Variants in CPEB3 observed in about 807,000 individuals in gnomAD.
The protein encoded by CPEB3 is cytoplasmic polyadenylation element binding protein 3.
CPEB3 carries 20 observed loss-of-function variants against 67.2 expected under a neutral mutation model. That is an observed-to-expected ratio of 0.30 (90% confidence interval 0.21 to 0.43). The LOEUF (loss-of-function observed/expected upper bound fraction) is 0.43, where lower values mean the gene tolerates loss of function less well. Ranked by LOEUF, CPEB3 falls within the 20% of genes least tolerant of loss-of-function variation. CPEB3 has a pLI of 1.00. For synonymous variants in CPEB3, 376 were observed against 393.1 expected, an observed-to-expected ratio of 0.96 and a Z score of 0.51; for missense variants, 746 against 968.6, an observed-to-expected ratio of 0.77 and a Z score of 3.05.
chr10:92,104,543 C>A (rs77700046), intron 7 of CPEB3, among the ~76,000 whole-genome samples: 1 of 151,870 alleles, frequency 6.6e-6, no homozygotes, highest in Non-Finnish European at 1.5e-5. Context: ...CCTGCCACCA[C>A]GCCCAGCTAA....
At chr10:92,171,888 G>GTA (rs1271945313) in intron 4 of CPEB3, among the ~76,000 whole-genome samples, 1 of 152,152 alleles carries the variant, frequency 6.6e-6, no homozygotes, top group Non-Finnish European at 1.5e-5. Context: ...GTGCTGGGAA[G>GTA]TACAGGCGTG....
rs1375504156 is a variant in CPEB3 at position 92,052,286 on chromosome 10, C to T, written c.2023G>A (p.Gly675Arg). The change falls in exon 10 of 10, where the codon GGG (glycine) becomes AGG (arginine). Residue 675 changes from glycine (G) to arginine (R), a missense_variant. Coordinates refer to ENST00000265997, the MANE Select transcript of CPEB3 (RefSeq NM_014912.5). ...YCWASIHSRA[G>R]REFHKPLVKE... is the part of the protein sequence containing the mutation. Reference sequence around the variant, plus strand: ...ACCAGCGGTTTGTGGAACTCCCGCCCGGCTCGGGAATGTATGCTCGCCCAG... The same window carrying T: ...ACCAGCGGTTTGTGGAACTCCCGCCTGGCTCGGGAATGTATGCTCGCCCAG... 5.6e-6 allele frequency: 9 copies of T among 1,614,108 alleles called. No individual in the cohort carries two copies. Among genetic ancestry groups the T allele is most frequent in the South Asian group, 1.1e-5 (1 of 91,076 alleles).
intron 4 of CPEB3, among the ~76,000 whole-genome samples, chr10:92,170,071 A>G (rs1387135291): frequency 6.6e-6 from 1 of 152,194 alleles, no homozygotes. Flanking sequence ...GCACCTATTC[A>G]GAGAGAATAA....
rs139744800 is a variant in CPEB3, at chr10:92,290,600, G to A, written c.-12+326C>T. On this transcript the variant is annotated intron_variant, in intron 1 of 9. Transcript: ENST00000265997. Reference sequence around the variant, plus strand: ...AACTCCCCAGCCCCAAACACACAGAGAGACTCGGGTGGAAGCTGTCTGGTC... The same window carrying A: ...AACTCCCCAGCCCCAAACACACAGAAAGACTCGGGTGGAAGCTGTCTGGTC... Among the ~76,000 whole-genome samples the A allele has an allele frequency of 2.1e-3, 326 of 152,240 alleles. 1 individual carries two copies. Among genetic ancestry groups the A allele is most frequent in the Admixed American group, 5.4e-3 (82 of 15,288 alleles).
At chr10:92,169,947 T>C (rs1847927796) in intron 4 of CPEB3, among the ~76,000 whole-genome samples, 1 of 152,192 alleles carries the variant, frequency 6.6e-6, no homozygotes, top group Non-Finnish European at 1.5e-5. Flanking sequence ...AAGCCCTTCA[T>C]TATTTGGCCC....
At chr10:92,172,067 A>G (rs1448980604) in intron 4 of CPEB3, among the ~76,000 whole-genome samples, 2 of 152,208 alleles carry the variant, frequency 1.3e-5, no homozygotes, top group Admixed American at 1.3e-4. Flanking sequence ...AGGCCAAGGC[A>G]GGAGGATCCT....
chr10:92,165,188 T>C (rs1025007260), intron 4 of CPEB3, among the ~76,000 whole-genome samples: 1 of 152,188 alleles, frequency 6.6e-6, no homozygotes, highest in Non-Finnish European at 1.5e-5. Flanking sequence ...GGCTCATACC[T>C]GTAGCCCCAG....
intron 9 of CPEB3, among the ~76,000 whole-genome samples, chr10:92,064,703 C>T (rs1280398773): frequency 6.6e-6 from 1 of 152,200 alleles, no homozygotes; most frequent in Non-Finnish European, 1.5e-5. Context: ...CTACACTATG[C>T]TGGCTGAAAG....
chr10:92,138,945 A>C (rs1303660981), intron 6 of CPEB3, among the ~76,000 whole-genome samples: 1 of 152,222 alleles, frequency 6.6e-6, no homozygotes, highest in African/African-American at 2.4e-5. Context: ...ATTTGGAAAC[A>C]ACCTTTATCC....
intron 2 of CPEB3, among the ~76,000 whole-genome samples, chr10:92,228,719 T>A (rs61333663): frequency 1.6e-5 from 2 of 124,740 alleles, no homozygotes; most frequent in African/African-American, 9.8e-5. Context: ...TATATATACA[T>A]TTTTTTTTTT....
chr10:92,272,919 C>T lies in CPEB3; in HGVS notation c.-12+18007G>A, dbSNP rs190275461. Among the ~76,000 whole-genome samples the T allele has an allele frequency of 3.9e-5, 6 of 152,076 alleles. No homozygotes were observed. In the East Asian group the frequency reaches 9.7e-4, roughly 25 times the overall value. Reference sequence around the variant, plus strand: ...TGGAGAGGCCAATTGCCAAATCAGTCGGAAAGAGGTGAAGGTCAATGTGGG... The same window carrying T: ...TGGAGAGGCCAATTGCCAAATCAGTTGGAAAGAGGTGAAGGTCAATGTGGG... On this transcript the variant is annotated intron_variant, in intron 1 of 9. Transcript: ENST00000265997.
At chr10:92,159,902 T>C (rs562981238) in intron 4 of CPEB3, among the ~76,000 whole-genome samples, 1 of 152,228 alleles carries the variant, frequency 6.6e-6, no homozygotes, top group African/African-American at 2.4e-5. Flanking sequence ...CTCTATTTTT[T>C]TCCCTGATTC....
intron 1 of CPEB3, among the ~76,000 whole-genome samples, chr10:92,264,296 C>G (rs1852942098): frequency 1.3e-5 from 2 of 151,344 alleles, no homozygotes; most frequent in Non-Finnish European, 1.5e-5. Flanking sequence ...CCACTGCACT[C>G]CAGCCTGGGG....
In CPEB3 at chr10:92,111,064, T is replaced by C; in HGVS notation, c.1572+12A>G. On this transcript the variant is annotated intron_variant, in intron 7 of 9. Coordinates refer to ENST00000265997, the MANE Select transcript of CPEB3 (RefSeq NM_014912.5). ...GCTCTGGAAAAGCAACAGCTGGCCA[T>C]GTATTACTTACTGGCTTGTCCTTGA... The C allele has an allele frequency of 1.3e-6, 2 of 1,547,196 alleles. No homozygotes were observed. The highest frequency in any genetic ancestry group is 1.1e-5 in the South Asian group (1 of 89,712).
rs547235140 is a variant in CPEB3 at position 92,154,711 on chromosome 10, T to C, written c.1223-9626A>G. On this transcript the variant is annotated intron_variant, in intron 4 of 9. Transcript: ENST00000265997. ...AGCCTCTGGTCATGGCAATCTCATCTTTAAGCCTTCTTCTAAGGAGAAACA... is the reference window on the plus strand; with the variant it reads ...AGCCTCTGGTCATGGCAATCTCATCCTTAAGCCTTCTTCTAAGGAGAAACA... 5.9e-5 allele frequency among the ~76,000 whole-genome samples: 9 copies of C among 152,328 alleles called. No homozygotes were observed. In the South Asian group the frequency reaches 1.4e-3, roughly 25 times the overall value.
At chr10:92,230,756 G>A (rs1055309486) in intron 2 of CPEB3, among the ~76,000 whole-genome samples, 5 of 152,162 alleles carry the variant, frequency 3.3e-5, no homozygotes, top group African/African-American at 1.2e-4. Flanking sequence ...AAGGTATAAG[G>A]ACCAGCTGTA....
chr10:92,081,299 T>G, intron 9 of CPEB3, 21 bp downstream of exon 9: 1 of 1,614,056 alleles, frequency 6.2e-7, no homozygotes, highest in Non-Finnish European at 8.5e-7. Context: ...CATAGCAGTT[T>G]CACCCTAAGT....
chr10:92,252,720 G>C (rs938751359), intron 1 of CPEB3, among the ~76,000 whole-genome samples: 2 of 151,736 alleles, frequency 1.3e-5, no homozygotes, highest in African/African-American at 4.8e-5. Context: ...GGGTTTTGCC[G>C]TGTTGCCCAG....
chr10:92,131,143 A>G (rs1564804521), intron 6 of CPEB3, among the ~76,000 whole-genome samples: 1 of 152,208 alleles, frequency 6.6e-6, no homozygotes, highest in Non-Finnish European at 1.5e-5. Context: ...CCAATCACCA[A>G]GAAGGCAATC....
Sources: allele counts gnomAD v4.1 joint callset (sites outside exome capture counted in the v4.1 genomes callset), GRCh38; gene constraint gnomAD v4.1.1; transcripts MANE v1.5; gene names NCBI Gene and HGNC (gene_info 2026-07-23, HGNC 2026-07-21).